The following COL6A5 variants were observed in gnomAD, a reference collection of about 807,000 sequenced individuals.
The protein encoded by COL6A5 is collagen alpha-5(VI) chain.
A neutral mutation model predicts 65.6 loss-of-function variants in COL6A5; 48 were observed. That is an observed-to-expected ratio of 0.73 (90% CI 0.58 to 0.93). The LOEUF is 0.93. Among genes scored for constraint, COL6A5 ranks in the 40% least tolerant of loss-of-function variants. The pLI, the probability that COL6A5 is intolerant of heterozygous loss-of-function variation, is 0.00. For synonymous variants in COL6A5, 291 were observed against 322.8 expected, an observed-to-expected ratio of 0.90 and a Z score of 1.05; for missense variants, 914 against 928.3, an observed-to-expected ratio of 0.98 and a Z score of 0.20.
chr3:130,447,364 G>C (rs1398581831), intron 4 of COL6A5, among the ~76,000 whole-genome samples: 3 of 152,110 alleles, frequency 2.0e-5, no homozygotes, highest in Non-Finnish European at 4.4e-5. Flanking sequence ...TCCCTGATTT[G>C]GAAGTACGAA....
At chr3:130,433,255 G>A (rs1488590560) in intron 1 of COL6A5, among the ~76,000 whole-genome samples, 1 of 152,112 alleles carries the variant, frequency 6.6e-6, no homozygotes, top group Non-Finnish European at 1.5e-5. Context: ...GAAAATAAGT[G>A]ACTTTCAGCT....
chr3:130,349,301 A>G (rs745363945), intron 1 of COL6A5, among the ~76,000 whole-genome samples: 31 of 152,254 alleles, frequency 2.0e-4, no homozygotes, highest in Non-Finnish European at 4.1e-4. Context: ...ACCGTAGTGC[A>G]ATGGAAGAAC....
At chr3:130,403,485 C>T (rs1159621142) in intron 12 of COL6A5, 124 bp from the exon 13 acceptor site, 4 of 739,318 alleles carry the variant, frequency 5.4e-6, no homozygotes, top group Non-Finnish European at 9.1e-6. Context: ...AAACTCACGG[C>T]CACATCTGCA....
intron 7 of COL6A5, among the ~76,000 whole-genome samples, chr3:130,478,477 C>G (rs1453910003): frequency 6.6e-6 from 1 of 152,054 alleles, no homozygotes; most frequent in African/African-American, 2.4e-5. Flanking sequence ...TTTTCCAATG[C>G]ATGGATTTCA....
At chr3:130,424,385 G>A (rs535299926) in intron 29 of COL6A5, among the ~76,000 whole-genome samples, 3 of 152,126 alleles carry the variant, frequency 2.0e-5, no homozygotes, top group East Asian at 1.9e-4. Flanking sequence ...CTCTGGAGGC[G>A]TTCTCAGGCA....
intron 1 of COL6A5, among the ~76,000 whole-genome samples, chr3:130,349,008 T>A (rs1402516584): frequency 6.6e-6 from 1 of 152,134 alleles, no homozygotes; most frequent in Non-Finnish European, 1.5e-5. Context: ...GGAACCATTC[T>A]TGTCCTGTAT....
rs544367690 is a variant in COL6A5, at chr3:130,438,832, T to C, written c.488-690T>C. The stretch of plus-strand genomic sequence containing the variant: ...GCCCAATAAAGAGTTATTGACTCAC[T>C]GAATGAATGAATGAGTGCTGTATAT... On this transcript the variant is annotated intron_variant, in intron 1 of 7. Coordinates refer to ENST00000512836, the Ensembl canonical transcript of COL6A5. Among the ~76,000 whole-genome samples, 3 of 152,282 alleles carry C rather than the reference T, an allele frequency of 2.0e-5. 1 individual carries two copies. The South Asian group carries it at 6.2e-4, about 32-fold the overall frequency.
At chr3:130,387,452 G>A (rs935528314) in intron 5 of COL6A5, among the ~76,000 whole-genome samples, 2 of 152,066 alleles carry the variant, frequency 1.3e-5, no homozygotes, top group Non-Finnish European at 2.9e-5. Flanking sequence ...TTACATGGAA[G>A]AGAATCTTTC....
intron 10 of COL6A5, among the ~76,000 whole-genome samples, chr3:130,400,531 A>G (rs1472522400): frequency 6.6e-6 from 1 of 152,016 alleles, no homozygotes; most frequent in African/African-American, 2.4e-5. Context: ...TGTGGTCAGG[A>G]GTTCAGCTGA....
intron 1 of COL6A5, among the ~76,000 whole-genome samples, chr3:130,366,856 A>G (rs1383408939): frequency 1.3e-5 from 2 of 152,232 alleles, no homozygotes; most frequent in Non-Finnish European, 2.9e-5. Context: ...CTGCAGTGAC[A>G]TTTTAGTCAA....
At chr3:130,483,735 TGCACACCCCTTCAA>T (rs1026589090) in intron 7 of COL6A5, among the ~76,000 whole-genome samples, 2 of 152,188 alleles carry the variant, frequency 1.3e-5, no homozygotes, top group African/African-American at 4.8e-5. Context: ...TATTGTCTAT[TGCACACCCCTTCAA>T]GCACCTGTTT....
At chr3:130,346,240 G>T (rs948837446) in intron 1 of COL6A5, among the ~76,000 whole-genome samples, 23 of 152,196 alleles carry the variant, frequency 1.5e-4, no homozygotes. Flanking sequence ...AAACTTGTTA[G>T]AAATGCAAAT....
exon 3 of COL6A5, chr3:130,376,303 C>G (rs759758268): frequency 6.2e-6 from 10 of 1,613,536 alleles, no homozygotes; most frequent in Non-Finnish European, 8.5e-6. Context: ...GGACCTAAGT[C>G]ATTCCCATTC....
chr3:130,461,180 C>A (rs138154524), intron 5 of COL6A5, among the ~76,000 whole-genome samples: 1 of 151,918 alleles, frequency 6.6e-6, no homozygotes, highest in Non-Finnish European at 1.5e-5. Flanking sequence ...AGAAGCTTTT[C>A]GTCTGTCAGG....
intron 25 of COL6A5, among the ~76,000 whole-genome samples, chr3:130,420,144 A>AGAAG (rs376710562): frequency 0.2 from 30,674 of 151,168 alleles, 3,307 homozygotes; most frequent in South Asian, 0.33. Flanking sequence ...AAAGGAAGAA[A>AGAAG]GAAGGAAGGA....
intron 5 of COL6A5, among the ~76,000 whole-genome samples, chr3:130,461,871 T>C (rs1178941449): frequency 6.6e-6 from 1 of 151,840 alleles, no homozygotes; most frequent in African/African-American, 2.4e-5. Flanking sequence ...TGGGTGTAAA[T>C]GACTCCTAAG....
At chr3:130,449,323 C>A (rs1403149942) in intron 4 of COL6A5, among the ~76,000 whole-genome samples, 1 of 152,096 alleles carries the variant, frequency 6.6e-6, no homozygotes, top group African/African-American at 2.4e-5. Flanking sequence ...CAGGAACAAA[C>A]CCCATGTTTT....
chr3:130,376,817 C>T (rs780772048), exon 3 of COL6A5: 36 of 1,611,980 alleles, frequency 2.2e-5, no homozygotes, highest in South Asian at 1.2e-4. Context: ...AGGAGGGAGC[C>T]GTCGATGCTG....
intron 4 of COL6A5, among the ~76,000 whole-genome samples, chr3:130,446,734 T>A (rs1312692034): frequency 6.6e-6 from 1 of 152,122 alleles, no homozygotes; most frequent in Non-Finnish European, 1.5e-5. Context: ...GACAGGGGAT[T>A]GATGATCTCC....
Sources: gnomAD v4.1 joint callset for allele counts (sites outside exome capture counted in the v4.1 genomes callset) on GRCh38, gnomAD v4.1.1 for gene constraint, MANE v1.5 for transcripts, NCBI Gene and HGNC (gene_info 2026-07-23, HGNC 2026-07-21) for gene names.